KDM2A: variants seen among roughly 807,000 people sequenced by gnomAD.
The protein encoded by KDM2A is lysine demethylase 2A.
KDM2A carries 3 observed loss-of-function variants against 137.3 expected under a neutral mutation model. The observed-to-expected ratio is 0.02, with a 90% CI of 0.01 to 0.06. KDM2A has a LOEUF of 0.06. KDM2A is among the 10% of genes least tolerant of loss of function. KDM2A has a pLI of 1.00. For synonymous variants in KDM2A, 512 were observed against 541.5 expected (o/e 0.95, Z 0.76); for missense variants, 738 against 1,510.6 (o/e 0.49, Z 8.48).
chr11:67,240,184 G>T (rs1355286307), intron 12 of KDM2A: 10 of 1,523,540 alleles, frequency 6.6e-6, no homozygotes, highest in Non-Finnish European at 8.8e-6. Context: ...AGTCTGAAGG[G>T]TCAGAGCTGG....
chr11:67,215,810 A>C (rs565569259), intron 7 of KDM2A, 46 bp from the exon 8 acceptor site: 1 of 1,433,396 alleles, frequency 7.0e-7, no homozygotes, highest in Non-Finnish European at 9.8e-7. Context: ...GGGCAGATGT[A>C]CTTTTTTCCA....
intron 12 of KDM2A, among the ~76,000 whole-genome samples, chr11:67,239,119 C>A (rs1858951363): frequency 6.6e-6 from 1 of 152,162 alleles, no homozygotes; most frequent in Non-Finnish European, 1.5e-5. Context: ...AAGAATGAGA[C>A]AGGCAAACAG....
chr11:67,181,682 G>A (rs1487286619), intron 4 of KDM2A, among the ~76,000 whole-genome samples, 164 bp from the exon 5 acceptor site: 1 of 149,964 alleles, frequency 6.7e-6, no homozygotes. Flanking sequence ...CTTTTTTCCT[G>A]TGCATATGTG....
intron 5 of KDM2A, among the ~76,000 whole-genome samples, chr11:67,194,639 T>C (rs529271696): frequency 5.9e-5 from 9 of 152,314 alleles, no homozygotes; most frequent in Admixed American, 5.9e-4. Flanking sequence ...TAGTAAAAAA[T>C]AGAGGGCTCT....
chr11:67,235,400 G>T (rs868670536), intron 12 of KDM2A, among the ~76,000 whole-genome samples: 1 of 150,972 alleles, frequency 6.6e-6, no homozygotes, highest in Non-Finnish European at 1.5e-5. Context: ...CACCTCCCAG[G>T]TTCAAGCAAT....
At chr11:67,189,927 G>A (rs994377430) in intron 5 of KDM2A, among the ~76,000 whole-genome samples, 5 of 151,742 alleles carry the variant, frequency 3.3e-5, no homozygotes, top group African/African-American at 1.2e-4. Flanking sequence ...ACTAGAAAAA[G>A]GACAAACTAA....
At chr11:67,172,743 A>C (rs1690270759) in intron 2 of KDM2A, among the ~76,000 whole-genome samples, 1 of 151,828 alleles carries the variant, frequency 6.6e-6, no homozygotes, top group Non-Finnish European at 1.5e-5. Flanking sequence ...TTTCTTGCCT[A>C]ATTGCCATAG....
At chr11:67,246,616 C>T (rs1305084076) in intron 15 of KDM2A, among the ~76,000 whole-genome samples, 1 of 151,996 alleles carries the variant, frequency 6.6e-6, no homozygotes, top group Admixed American at 6.6e-5. Flanking sequence ...AGATCTCAGC[C>T]TCAGAGATTG....
At chr11:67,220,907 G>A (rs973480042) in intron 10 of KDM2A, among the ~76,000 whole-genome samples, 30 of 150,894 alleles carry the variant, frequency 2.0e-4, no homozygotes, top group African/African-American at 6.4e-4. Flanking sequence ...TGTAAAAAAC[G>A]ATCCTTTTAT....
At chr11:67,198,599 A>G (rs983414128) in intron 5 of KDM2A, among the ~76,000 whole-genome samples, 5 of 150,522 alleles carry the variant, frequency 3.3e-5, no homozygotes, top group Non-Finnish European at 7.4e-5. Flanking sequence ...AGTCCCAGCT[A>G]TTTGGGAGGC....
intron 5 of KDM2A, among the ~76,000 whole-genome samples, chr11:67,193,235 C>T (rs572610653): frequency 3.9e-5 from 6 of 152,240 alleles, no homozygotes; most frequent in African/African-American, 1.4e-4. Context: ...GGTGATCCAC[C>T]CGCCTCAGCC....
At chr11:67,233,012 G>A (rs1056823865) in intron 12 of KDM2A, among the ~76,000 whole-genome samples, 5 of 151,968 alleles carry the variant, frequency 3.3e-5, no homozygotes, top group Non-Finnish European at 7.4e-5. Flanking sequence ...ACCCAACCTT[G>A]AGCTATCTAA....
At chr11:67,175,100 CT>C (rs1856949883) in intron 2 of KDM2A, among the ~76,000 whole-genome samples, 4 of 152,228 alleles carry the variant, frequency 2.6e-5, no homozygotes, top group Admixed American at 2.6e-4. Flanking sequence ...GTGGCCTTAC[CT>C]TTTGAGTTTC....
chr11:67,219,559 A>AT (rs111981707), intron 10 of KDM2A, 156 bp downstream of exon 10: 31,524 of 325,756 alleles, frequency 0.097, 13 homozygotes, highest in South Asian at 0.15. Flanking sequence ...TTTAAATTTA[A>AT]TTTTTTTTTT....
At chr11:67,146,220 C>T (rs1367019383) in intron 2 of KDM2A, among the ~76,000 whole-genome samples, 1 of 151,938 alleles carries the variant, frequency 6.6e-6, no homozygotes, top group Admixed American at 6.6e-5. Context: ...GTCTCAATCT[C>T]CTGACCTCCT....
At chr11:67,129,230 C>T (rs1274683410) in intron 2 of KDM2A, among the ~76,000 whole-genome samples, 2 of 152,202 alleles carry the variant, frequency 1.3e-5, no homozygotes, top group Non-Finnish European at 2.9e-5. Flanking sequence ...TGTCAGACTA[C>T]CACATTGATG....
At chr11:67,225,087 C>G (rs563268667) in intron 10 of KDM2A, among the ~76,000 whole-genome samples, 163 of 152,170 alleles carry the variant, frequency 1.1e-3, no homozygotes, top group South Asian at 1.2e-3. Context: ...CTTGGCCTCC[C>G]AAAGCGCTGG....
chr11:67,155,844 G>C (rs957888946), intron 2 of KDM2A, among the ~76,000 whole-genome samples: 1 of 146,286 alleles, frequency 6.8e-6, no homozygotes, highest in African/African-American at 2.5e-5. Flanking sequence ...TGGAACTCCC[G>C]ACCTCAGGTG....
intron 5 of KDM2A, chr11:67,197,210 G>A (rs1857504648): frequency 7.0e-6 from 1 of 143,438 alleles, no homozygotes; most frequent in African/African-American, 2.6e-5. Context: ...GTATTGCTTT[G>A]TCACCCAGGC....
Sources: allele counts gnomAD v4.1 joint callset (sites outside exome capture counted in the v4.1 genomes callset), GRCh38; gene constraint gnomAD v4.1.1; transcripts MANE v1.5; gene names NCBI Gene and HGNC (gene_info 2026-07-23, HGNC 2026-07-21).